The following SPRR2G variants were observed in gnomAD, a reference collection of about 807,000 sequenced individuals.
SPRR2G encodes small proline-rich protein 2G.
A neutral mutation model predicts 0.7 loss-of-function variants in SPRR2G; 1 was observed. The ratio of observed to expected loss-of-function variants is 1.49; its 90% CI spans 0.53 to 7.06. The LOEUF (loss-of-function observed/expected upper bound fraction) is 7.06. Among genes scored for constraint, SPRR2G ranks in the 30% most tolerant of loss-of-function variants. The pLI is 0.14. For synonymous variants in SPRR2G, 38 were observed against 33.9 expected, an observed-to-expected ratio of 1.12 and a Z score of -0.42; for missense variants, 96 against 88.5, an observed-to-expected ratio of 1.09 and a Z score of -0.34.
chr1:153,169,866 A>G, the SPRR2G span, among the ~76,000 whole-genome samples: 1 of 152,228 alleles, frequency 6.6e-6, no homozygotes, highest in East Asian at 1.9e-4. Context: ...AAATATCTGT[A>G]TTTCTGGCTT....
the SPRR2G span, among the ~76,000 whole-genome samples, chr1:153,170,288 G>T: frequency 5.3e-5 from 8 of 152,002 alleles, no homozygotes; most frequent in Admixed American, 2.6e-4. Flanking sequence ...AAAGCTCCTT[G>T]AAAAAATTAC....
the SPRR2G span, among the ~76,000 whole-genome samples, chr1:153,172,598 C>T: frequency 2.0e-5 from 3 of 152,214 alleles, no homozygotes; most frequent in South Asian, 2.1e-4. Context: ...CACTCAATAC[C>T]TGCAAAACTG....
At chr1:153,190,268 G>A in the SPRR2G span, 1 of 152,498 alleles carries the variant, frequency 6.6e-6, no homozygotes, top group Non-Finnish European at 1.5e-5. Flanking sequence ...CAGCAAAGCA[G>A]AAATGACCCT....
chr1:153,202,664 C>T, the SPRR2G span, among the ~76,000 whole-genome samples: 5 of 152,174 alleles, frequency 3.3e-5, no homozygotes, highest in African/African-American at 9.7e-5. Flanking sequence ...TTAAAACAGT[C>T]TCATTCGACT....
the SPRR2G span, among the ~76,000 whole-genome samples, chr1:153,161,997 T>C: frequency 6.6e-6 from 1 of 152,124 alleles, no homozygotes; most frequent in East Asian, 1.9e-4. Flanking sequence ...TGGTGGTTGT[T>C]GTTGTTGTTG....
At chr1:153,185,631 C>A in the SPRR2G span, among the ~76,000 whole-genome samples, 1 of 151,998 alleles carries the variant, frequency 6.6e-6, no homozygotes, top group Non-Finnish European at 1.5e-5. Context: ...GTCTGGCTAG[C>A]AGTCTATCTA....
chr1:153,199,471 C>T, the SPRR2G span, among the ~76,000 whole-genome samples: 1 of 152,198 alleles, frequency 6.6e-6, no homozygotes, highest in Admixed American at 6.5e-5. Flanking sequence ...AAGCACCTGC[C>T]AAGCCCAGAA....
the SPRR2G span, among the ~76,000 whole-genome samples, chr1:153,164,055 C>T: frequency 0.022 from 3,364 of 152,272 alleles, 112 homozygotes; most frequent in East Asian, 0.11. Context: ...AAGAGAACTT[C>T]CTTTTATATA....
At chr1:153,170,310 G>T in the SPRR2G span, among the ~76,000 whole-genome samples, 2 of 152,058 alleles carry the variant, frequency 1.3e-5, no homozygotes, top group African/African-American at 4.8e-5. Context: ...CAAATTTCTA[G>T]AATTTTAATT....
the SPRR2G span, among the ~76,000 whole-genome samples, chr1:153,197,617 G>A: frequency 6.6e-6 from 1 of 152,284 alleles, no homozygotes; most frequent in Non-Finnish European, 1.5e-5. Flanking sequence ...CCTGGATTAG[G>A]GCACTGTATG....
chr1:153,195,674 A>T, the SPRR2G span, among the ~76,000 whole-genome samples: 1 of 152,220 alleles, frequency 6.6e-6, no homozygotes, highest in Non-Finnish European at 1.5e-5. Context: ...CTTCAGCTTC[A>T]ATCAAGACAA....
chr1:153,164,881 G>A, the SPRR2G span, among the ~76,000 whole-genome samples: 1 of 152,106 alleles, frequency 6.6e-6, no homozygotes, highest in African/African-American at 2.4e-5. Context: ...ACTCTCCTCA[G>A]GCTAGAGATG....
the SPRR2G span, among the ~76,000 whole-genome samples, chr1:153,187,660 CA>C: frequency 6.6e-6 from 1 of 152,052 alleles, no homozygotes; most frequent in African/African-American, 2.4e-5. Context: ...TCCTTTAGCT[CA>C]GAGGAGTTTG....
chr1:153,198,075 C>A, the SPRR2G span, among the ~76,000 whole-genome samples: 4 of 152,252 alleles, frequency 2.6e-5, no homozygotes, highest in African/African-American at 9.6e-5. Flanking sequence ...AGGCAACTAA[C>A]TGCCTGGGAA....
At chr1:153,177,492 C>T in the SPRR2G span, among the ~76,000 whole-genome samples, 1 of 152,118 alleles carries the variant, frequency 6.6e-6, no homozygotes, top group Non-Finnish European at 1.5e-5. Flanking sequence ...AGGGGCTCCA[C>T]CTCCTTGCCA....
At chr1:153,180,445 A>G in the SPRR2G span, among the ~76,000 whole-genome samples, 3 of 152,128 alleles carry the variant, frequency 2.0e-5, no homozygotes, top group Admixed American at 6.6e-5. Flanking sequence ...GTAGATATAG[A>G]TCGTTGATTC....
chr1:153,201,172 G>A, the SPRR2G span, among the ~76,000 whole-genome samples: 18 of 152,168 alleles, frequency 1.2e-4, no homozygotes, highest in African/African-American at 3.4e-4. Context: ...TCCAGCCAGC[G>A]AAGGAAGTCA....
At chr1:153,152,126 T>C (rs1416327482), upstream of SPRR2G, among the ~76,000 whole-genome samples, 8 of 152,204 alleles carry the variant, frequency 5.3e-5, no homozygotes, top group African/African-American at 1.4e-4. Flanking sequence ...GCACATTACA[T>C]AGTGGGTCTT....
At chr1:153,198,983 A>T in the SPRR2G span, among the ~76,000 whole-genome samples, 1 of 152,304 alleles carries the variant, frequency 6.6e-6, no homozygotes, top group South Asian at 2.1e-4. Context: ...GTCACAGAGG[A>T]CCAAAAGGGA....
Sources: gnomAD v4.1 joint callset for allele counts (sites outside exome capture counted in the v4.1 genomes callset) on GRCh38, gnomAD v4.1.1 for gene constraint, MANE v1.5 for transcripts, NCBI Gene and HGNC (gene_info 2026-07-23, HGNC 2026-07-21) for gene names.